SVIL: variants seen among roughly 807,000 people sequenced by gnomAD.
SVIL encodes the protein supervillin, also known as archvillin.
SVIL carries 101 observed loss-of-function variants against 240.4 expected under a neutral mutation model. The observed-to-expected ratio is 0.42, with a 90% CI of 0.36 to 0.50. The LOEUF is 0.50. Ranked by LOEUF, SVIL falls within the 20% of genes least tolerant of loss-of-function variation. The pLI is 0.01. For synonymous variants in SVIL, 999 were observed against 1,100.0 expected (o/e 0.91, Z 1.82); for missense variants, 2,512 against 2,818.7 (o/e 0.89, Z 2.46).
intron 1 of SVIL, among the ~76,000 whole-genome samples, chr10:29,630,374 A>G (rs1485948938): frequency 1.3e-5 from 2 of 152,216 alleles, no homozygotes; most frequent in African/African-American, 4.8e-5. Context: ...ATCAACTTTC[A>G]GAAGGGGACA....
intron 2 of SVIL, 33 bp from the exon 3 acceptor site, chr10:29,563,325 A>G: frequency 5.3e-6 from 5 of 944,148 alleles, no homozygotes; most frequent in Non-Finnish European, 6.3e-6. Context: ...AGTTAAGTCC[A>G]TTTAAATAAA....
intron 9 of SVIL, among the ~76,000 whole-genome samples, chr10:29,531,500 C>A (rs1436789857): frequency 6.6e-6 from 1 of 152,176 alleles, no homozygotes; most frequent in African/African-American, 2.4e-5. Flanking sequence ...AAGTACACAC[C>A]CCGTGGAGAG....
At chr10:29,576,423 A>G (rs2132748018) in intron 1 of SVIL, among the ~76,000 whole-genome samples, 1 of 152,310 alleles carries the variant, frequency 6.6e-6, no homozygotes, top group Non-Finnish European at 1.5e-5. Context: ...CTTCTAATTT[A>G]TATGTCAGGT....
At chr10:29,510,760 C>T (rs2132482946) in intron 17 of SVIL, among the ~76,000 whole-genome samples, 1 of 149,234 alleles carries the variant, frequency 6.7e-6, no homozygotes, top group East Asian at 2.0e-4. Flanking sequence ...TGTCAAGCCT[C>T]CTCAGCTACT....
At chr10:29,627,538 T>C (rs1957922349) in intron 1 of SVIL, among the ~76,000 whole-genome samples, 1 of 151,008 alleles carries the variant, frequency 6.6e-6, no homozygotes, top group Admixed American at 6.6e-5. Context: ...TTTGGGGAGG[T>C]AGGTGAATGA....
intron 28 of SVIL, among the ~76,000 whole-genome samples, chr10:29,481,044 C>G (rs989408478): frequency 2.0e-5 from 3 of 152,158 alleles, no homozygotes; most frequent in Admixed American, 6.5e-5. Flanking sequence ...AGGCACAAAT[C>G]AGACTCTTCA....
At chr10:29,621,662 C>A (rs902519833) in intron 1 of SVIL, among the ~76,000 whole-genome samples, 3 of 152,230 alleles carry the variant, frequency 2.0e-5, no homozygotes, top group Non-Finnish European at 2.9e-5. Context: ...ACCACATGGG[C>A]TGTGGGCCCA....
chr10:29,578,427 C>T (rs1955797174), intron 1 of SVIL, among the ~76,000 whole-genome samples: 1 of 152,178 alleles, frequency 6.6e-6, no homozygotes, highest in Non-Finnish European at 1.5e-5. Flanking sequence ...AATCAGCCTG[C>T]TCACTTCTTC....
intron 1 of SVIL, among the ~76,000 whole-genome samples, chr10:29,688,198 T>A (rs943414919): frequency 1.3e-5 from 2 of 152,234 alleles, no homozygotes; most frequent in Admixed American, 6.5e-5. Context: ...TGTCTAATAA[T>A]GTAGCATTAG....
In SVIL at chr10:29,485,945, TA is replaced by T. The variant is rs1947348438; in HGVS notation, c.4779+139del. 4 of 948,214 alleles carry T rather than the reference TA, an allele frequency of 4.2e-6. No individual in the cohort carries two copies. In the East Asian group the frequency reaches 1.1e-4, roughly 25 times the overall value. 58.7% of individuals were successfully genotyped at this position (948,214 alleles called of 1,614,324 possible). On this transcript the variant is annotated intron_variant, in intron 26 of 37. Transcript: ENST00000355867. ...ATGGTTTGAAATCACAAATATCCTT[TA>T]AAAAGCTGTAAATGTTCTACAATGG...
chr10:29,477,691 C>A (rs182466288), intron 29 of SVIL, among the ~76,000 whole-genome samples: 2 of 152,354 alleles, frequency 1.3e-5, no homozygotes, highest in East Asian at 3.9e-4. Flanking sequence ...GTGCTTCCCC[C>A]CTGCTGGAGG....
intron 20 of SVIL, among the ~76,000 whole-genome samples, chr10:29,493,929 C>T (rs1477555595): frequency 6.6e-6 from 1 of 152,160 alleles, no homozygotes; most frequent in Admixed American, 6.5e-5. Context: ...AATCCCAGCA[C>T]TTTGGGAGGC....
chr10:29,477,393 T>G (rs1588884614), intron 29 of SVIL, among the ~76,000 whole-genome samples: 1 of 152,208 alleles, frequency 6.6e-6, no homozygotes. Context: ...CTGGGCACCT[T>G]GAGCAGCTGT....
At chr10:29,588,599 A>G (rs1956263701) in intron 1 of SVIL, among the ~76,000 whole-genome samples, 1 of 152,222 alleles carries the variant, frequency 6.6e-6, no homozygotes, top group South Asian at 2.1e-4. Flanking sequence ...CCAAACCAAA[A>G]TAGTCCCTAG....
At chr10:29,638,424 C>A (rs1958380716), upstream of SVIL, among the ~76,000 whole-genome samples, 1 of 151,860 alleles carries the variant, frequency 6.6e-6, no homozygotes, top group Non-Finnish European at 1.5e-5. Context: ...TGAGATCATG[C>A]CATTGCACTC....
intron 1 of SVIL, among the ~76,000 whole-genome samples, chr10:29,595,397 G>A (rs1441705114): frequency 6.6e-6 from 1 of 152,196 alleles, no homozygotes; most frequent in Non-Finnish European, 1.5e-5. Flanking sequence ...TGGATGGCAG[G>A]TGAGGACAGG....
intron 10 of SVIL, 123 bp from the exon 11 acceptor site, chr10:29,530,791 A>C: frequency 9.7e-6 from 10 of 1,033,746 alleles, no homozygotes; most frequent in Non-Finnish European, 1.2e-5. Flanking sequence ...TAAAATAATA[A>C]TTGGTGGTAG....
chr10:29,598,976 T>C (rs1318730170), intron 1 of SVIL, among the ~76,000 whole-genome samples: 1 of 152,214 alleles, frequency 6.6e-6, no homozygotes, highest in Non-Finnish European at 1.5e-5. Context: ...AAAACAATGC[T>C]ATCTACAGCT....
intron 1 of SVIL, among the ~76,000 whole-genome samples, chr10:29,584,156 C>T (rs1244188226): frequency 6.6e-6 from 1 of 152,218 alleles, no homozygotes; most frequent in Non-Finnish European, 1.5e-5. Context: ...CATGGGCCCT[C>T]ACCTCCGTGC....
Sources: allele counts gnomAD v4.1 joint callset (sites outside exome capture counted in the v4.1 genomes callset), GRCh38; gene constraint gnomAD v4.1.1; transcripts MANE v1.5; gene names NCBI Gene and HGNC (gene_info 2026-07-23, HGNC 2026-07-21).